The following TICRR variants were observed in gnomAD, a reference collection of about 807,000 sequenced individuals.
TICRR encodes the protein treslin.
TICRR carries 132 observed loss-of-function variants against 178.1 expected under a neutral mutation model. That is an observed-to-expected ratio of 0.74 (90% CI 0.64 to 0.86). TICRR has a LOEUF of 0.86. Among genes scored for constraint, TICRR ranks in the 40% least tolerant of loss-of-function variants. TICRR has a pLI of 0.00. For synonymous variants in TICRR, 991 were observed against 900.7 expected (o/e 1.10, Z -1.79); for missense variants, 2,587 against 2,334.3 (o/e 1.11, Z -2.23).
At position 89,601,865 on chromosome 15, in the gene TICRR, A is replaced by G; in HGVS notation, c.2456A>G (p.Lys819Arg). 1 of 1,614,150 alleles carries G rather than the reference A, an allele frequency of 6.2e-7. No individual in the cohort carries two copies. The highest frequency in any genetic ancestry group is 8.5e-7 in the Non-Finnish European group (1 of 1,180,018). The change falls in exon 12 of 22, where the codon AAA becomes AGA. Residue 819 changes from lysine to arginine, a missense_variant. Physicochemically the swap from Lys to Arg is conservative, Grantham distance 26 (BLOSUM62 2). Transcript: ENST00000268138. ...GATGACTCCATGACACAAGAGAACA[A>G]ATCACCACTTCTTTCTGTGCCTTTT... ...FSDDSMTQENKSPLLSVPFLS... is the reference protein window; with the variant it reads ...FSDDSMTQENRSPLLSVPFLS...
chr15:89,578,294 A>G (rs1389442366), intron 1 of TICRR, among the ~76,000 whole-genome samples: 1 of 152,246 alleles, frequency 6.6e-6, no homozygotes, highest in Admixed American at 6.5e-5. Flanking sequence ...AAGCATTTAA[A>G]TAATAATATG....
At chr15:89,600,040 A>G (rs1432101339) in intron 8 of TICRR, among the ~76,000 whole-genome samples, 1 of 152,172 alleles carries the variant, frequency 6.6e-6, no homozygotes, top group African/African-American at 2.4e-5. Context: ...TGGGAGGTGG[A>G]GGTTGCAGTG....
Position 89,624,994 on chromosome 15 carries a change from G to T in TICRR, c.4684G>T (p.Glu1562Ter). Residue 1562 changes from glutamate to a stop codon, truncating the protein, a stop_gained, in exon 20 of 22, where the codon GAG becomes TAG. Transcript: ENST00000268138. LOFTEE classifies it high-confidence loss of function. The part of the protein sequence containing the change: ...DSASPQTYEV[E>*]LEMQASGLPK... Reference sequence around the variant, plus strand: ...TGCCAGCCCACAGACCTATGAGGTTGAGCTGGAGATGCAAGCTTCTGGCCT... The same window carrying T: ...TGCCAGCCCACAGACCTATGAGGTTTAGCTGGAGATGCAAGCTTCTGGCCT... 1.2e-6 allele frequency: 2 copies of T among 1,614,092 alleles called. No individual in the cohort carries two copies. Among genetic ancestry groups the T allele is most frequent in the South Asian group, 1.1e-5 (1 of 91,076 alleles).
intron 7 of TICRR, among the ~76,000 whole-genome samples, chr15:89,598,576 C>T (rs1464672662): frequency 6.6e-6 from 1 of 151,480 alleles, no homozygotes; most frequent in South Asian, 2.1e-4. Flanking sequence ...GTTGGCCAGG[C>T]TGGTCTTGAA....
chr15:89,605,584 C>T (rs1963163303), intron 13 of TICRR, among the ~76,000 whole-genome samples: 1 of 152,196 alleles, frequency 6.6e-6, no homozygotes, highest in African/African-American at 2.4e-5. Context: ...TGGTCTCAAT[C>T]TCCTGACCTC....
At chr15:89,613,655 A>T (rs758423610) in intron 15 of TICRR, among the ~76,000 whole-genome samples, 2 of 150,902 alleles carry the variant, frequency 1.3e-5, no homozygotes, top group Non-Finnish European at 2.9e-5. Context: ...CTTGTCTTCA[A>T]ATTTGTTGAC....
rs975167649 is a variant in TICRR at position 89,575,479 on chromosome 15, C to T, written c.-108C>T. On this transcript the variant is annotated 5_prime_UTR_variant, in exon 1 of 22. Transcript: ENST00000268138. ...CCTGGAGAGCGCGGGAGCCTTTCGACCAGGGTCCCAAAGGAAAGCAGTGAG... is the reference window on the plus strand; with the variant it reads ...CCTGGAGAGCGCGGGAGCCTTTCGATCAGGGTCCCAAAGGAAAGCAGTGAG... The T allele has an allele frequency of 8.7e-6, 10 of 1,154,476 alleles. No homozygotes were observed. The highest frequency in any genetic ancestry group is 3.5e-5 in the South Asian group (2 of 57,654). 71.5% of individuals were successfully genotyped at this position (1,154,476 alleles called of 1,614,324 possible).
At chr15:89,621,982 C>CTTTTTTTTTTTTT (rs34123859) in intron 19 of TICRR, among the ~76,000 whole-genome samples, 2 of 87,778 alleles carry the variant, frequency 2.3e-5, no homozygotes, top group Non-Finnish European at 4.3e-5. Flanking sequence ...CAAACTGACT[C>CTTTTTTTTTTTTT]TTTTTTTTTT....
chr15:89,621,916 T>C (rs985270286), intron 19 of TICRR, among the ~76,000 whole-genome samples: 1 of 151,706 alleles, frequency 6.6e-6, no homozygotes, highest in African/African-American at 2.4e-5. Flanking sequence ...CTGGGAGTCA[T>C]CCTTTTCCCT....
chr15:89,612,308 G>A (rs928940073), intron 15 of TICRR, among the ~76,000 whole-genome samples: 6 of 152,164 alleles, frequency 3.9e-5, no homozygotes, highest in Admixed American at 1.3e-4. Context: ...CGAGGAGGGG[G>A]AAGGTGTGTC....
Position 89,624,396 on chromosome 15 carries a change from T to A in TICRR, c.4086T>A (p.Pro1362=). ...CCTGCCCTGTTCCCTCAACTCCCCC[T>A]GAACTCTCACAGAGAGCTACATTGG... ...SLSCPVPSTP[P]ELSQRATLDT... The change falls in exon 20 of 22, where the codon CCT becomes CCA. Residue 1362 remains proline, a synonymous_variant. Coordinates refer to ENST00000268138, the MANE Select transcript of TICRR (RefSeq NM_152259.4). 6.2e-7 allele frequency: 1 copy of A among 1,614,158 alleles called. No homozygotes were observed. Among genetic ancestry groups the A allele is most frequent in the Non-Finnish European group, 8.5e-7 (1 of 1,180,022 alleles).
At chr15:89,615,878 T>C (rs547444462) in intron 15 of TICRR, among the ~76,000 whole-genome samples, 2 of 152,094 alleles carry the variant, frequency 1.3e-5, no homozygotes, top group Non-Finnish European at 2.9e-5. Flanking sequence ...TAAAATTTTA[T>C]ATTTATATTG....
At chr15:89,607,821 A>T (rs1963196338) in intron 14 of TICRR, among the ~76,000 whole-genome samples, 1 of 152,150 alleles carries the variant, frequency 6.6e-6, no homozygotes, top group South Asian at 2.1e-4. Flanking sequence ...CTTAAGATTA[A>T]GGTATTGTCT....
In TICRR at chr15:89,617,182, G is replaced by C. The variant is rs961967081; in HGVS notation, c.2960+687G>C. Among the ~76,000 whole-genome samples, 4 of 152,252 alleles carry C rather than the reference G, an allele frequency of 2.6e-5. No homozygotes were observed. The East Asian group carries it at 7.7e-4, about 29-fold the overall frequency. On this transcript the variant is annotated intron_variant, in intron 16 of 21. Transcript: ENST00000268138. ...AGATAATGTCATGGGTTTTTAGCTT[G>C]ATTTCAAGGGTAATAGAAGCACACC...
chr15:89,621,979 ACT>A (rs895923286), intron 19 of TICRR, among the ~76,000 whole-genome samples: 1 of 82,220 alleles, frequency 1.2e-5, no homozygotes, highest in Non-Finnish European at 2.5e-5. Context: ...TTACAAACTG[ACT>A]CTTTTTTTTT....
intron 3 of TICRR, among the ~76,000 whole-genome samples, chr15:89,585,076 C>G (rs186656472): frequency 1.4e-4 from 21 of 152,284 alleles, no homozygotes; most frequent in Admixed American, 3.9e-4. Flanking sequence ...AAATTCCTTA[C>G]CTTACTTTGT....
chr15:89,576,384 G>A, intron 1 of TICRR, 144 bp downstream of exon 1: 2 of 810,218 alleles, frequency 2.5e-6, no homozygotes, highest in Non-Finnish European at 3.7e-6. Flanking sequence ...AAATAAATAG[G>A]AACAGTTTTC....
At chr15:89,608,553 C>A (rs1019772198) in intron 14 of TICRR, among the ~76,000 whole-genome samples, 1 of 152,120 alleles carries the variant, frequency 6.6e-6, no homozygotes, top group Non-Finnish European at 1.5e-5. Context: ...TATCCACATG[C>A]AAAAGAATGA....
intron 7 of TICRR, among the ~76,000 whole-genome samples, chr15:89,598,675 A>C (rs11858422): frequency 0.83 from 125,592 of 152,044 alleles, 52,652 homozygotes; most frequent in Non-Finnish European, 0.92. Context: ...CCTACCTTTA[A>C]ATTTTTAACA....
Sources: gnomAD v4.1 joint callset for allele counts (sites outside exome capture counted in the v4.1 genomes callset) on GRCh38, gnomAD v4.1.1 for gene constraint, MANE v1.5 for transcripts, NCBI Gene and HGNC (gene_info 2026-07-23, HGNC 2026-07-21) for gene names.